The following APBB2 variants were observed in gnomAD, a reference collection of about 807,000 sequenced individuals.
APBB2 encodes the protein amyloid beta precursor protein binding family B member 2, also known as Fe65-like 1.
Under a neutral mutation model 82.5 loss-of-function variants are expected in APBB2, and 38 were observed. The observed-to-expected ratio is 0.46, with a 90% CI of 0.36 to 0.60. The LOEUF is 0.60. Among genes scored for constraint, APBB2 ranks in the 20% least tolerant of loss-of-function variants. The pLI is 0.00. For synonymous variants in APBB2, 341 were observed against 368.2 expected (o/e 0.93, Z 0.85); for missense variants, 772 against 972.3 (o/e 0.79, Z 2.74).
chr4:41,006,528 A>G (rs1806794434), intron 6 of APBB2, among the ~76,000 whole-genome samples: 1 of 150,302 alleles, frequency 6.7e-6, no homozygotes, highest in Non-Finnish European at 1.5e-5. Flanking sequence ...TAATGGTGTG[A>G]TCTCGGCTCA....
At chr4:40,908,839 G>C (rs1178588620) in intron 10 of APBB2, among the ~76,000 whole-genome samples, 1 of 152,192 alleles carries the variant, frequency 6.6e-6, no homozygotes, top group Non-Finnish European at 1.5e-5. Context: ...TAGTGTGGGT[G>C]CCCTTGTGCA....
chr4:40,843,305 A>T (rs939404752), intron 12 of APBB2, among the ~76,000 whole-genome samples: 1 of 152,218 alleles, frequency 6.6e-6, no homozygotes, highest in African/African-American at 2.4e-5. Context: ...GATGGAGCTA[A>T]AATCATGGCA....
At chr4:40,996,474 C>G (rs1317991297) in intron 6 of APBB2, among the ~76,000 whole-genome samples, 1 of 152,162 alleles carries the variant, frequency 6.6e-6, no homozygotes, top group African/African-American at 2.4e-5. Context: ...GTCCAGGTGA[C>G]AAAGTCTGAA....
chr4:41,120,114 T>C (rs1752357800), intron 2 of APBB2, among the ~76,000 whole-genome samples: 2 of 152,346 alleles, frequency 1.3e-5, no homozygotes, highest in African/African-American at 4.8e-5. Flanking sequence ...CTAGTGACTC[T>C]GTTCCTCAGG....
chr4:41,116,256 T>A (rs1055944517), intron 2 of APBB2, among the ~76,000 whole-genome samples: 2 of 151,324 alleles, frequency 1.3e-5, no homozygotes, highest in African/African-American at 4.9e-5. Flanking sequence ...TGGGTGGGAG[T>A]TGAACAATGG....
chr4:40,945,128 T>C (rs1788035029), intron 6 of APBB2, 55 bp from the exon 7 acceptor site: 2 of 1,351,074 alleles, frequency 1.5e-6, no homozygotes, highest in Non-Finnish European at 2.1e-6. Flanking sequence ...ATTAAAAGAA[T>C]GTCAGCACTA....
chr4:40,967,281 G>C (rs890857089), intron 6 of APBB2, among the ~76,000 whole-genome samples: 1 of 152,156 alleles, frequency 6.6e-6, no homozygotes, highest in Non-Finnish European at 1.5e-5. Flanking sequence ...CTGGACGTAG[G>C]ACAAGAACTC....
At chr4:41,009,379 CTT>C (rs1807685811) in intron 6 of APBB2, among the ~76,000 whole-genome samples, 2 of 152,072 alleles carry the variant, frequency 1.3e-5, no homozygotes, top group South Asian at 2.1e-4. Context: ...CAAATAGCCT[CTT>C]GTTTTCTTAA....
chr4:40,899,664 C>T (rs1164548282), intron 10 of APBB2, among the ~76,000 whole-genome samples: 1 of 152,244 alleles, frequency 6.6e-6, no homozygotes. Context: ...TTCGTTCTCT[C>T]TGGTTCCGCA....
At chr4:41,101,456 G>T in intron 2 of APBB2, among the ~76,000 whole-genome samples, 1 of 107,486 alleles carries the variant, frequency 9.3e-6, no homozygotes, top group African/African-American at 3.8e-5. Context: ...GGGCGACAGA[G>T]CGAGACTCCG....
In APBB2 at chr4:40,841,427, CCAAT is replaced by C. The variant is rs535408936; in HGVS notation, c.1530-10854_1530-10851del. ...TATGGAATCATGGAGCTTAAAGTCCCCAATCAATCAAACGGGCAGGCGGACATGC... is the reference window on the plus strand; with the variant it reads ...TATGGAATCATGGAGCTTAAAGTCCCCAATCAAACGGGCAGGCGGACATGC... On this transcript the variant is annotated intron_variant, in intron 12 of 17. Coordinates refer to ENST00000508593, the MANE Select transcript of APBB2 (RefSeq NM_004307.2). Among the ~76,000 whole-genome samples, 474 of 152,226 alleles carry C rather than the reference CCAAT, an allele frequency of 3.1e-3. 5 individuals are homozygous for C. Among genetic ancestry groups the C allele is most frequent in the African/African-American group, 0.011 (447 of 41,524 alleles).
intron 4 of APBB2, among the ~76,000 whole-genome samples, chr4:41,055,369 T>C (rs1560630034): frequency 6.6e-6 from 1 of 152,164 alleles, no homozygotes; most frequent in Non-Finnish European, 1.5e-5. Context: ...CAAATAGAAG[T>C]GCTATGGGAG....
intron 2 of APBB2, among the ~76,000 whole-genome samples, chr4:41,122,726 A>G (rs868757915): frequency 1.3e-5 from 2 of 152,244 alleles, no homozygotes; most frequent in Non-Finnish European, 2.9e-5. Flanking sequence ...GGCAGAGGAT[A>G]TATCTTGTAA....
chr4:41,203,792 A>G (rs1440594308), intron 1 of APBB2, among the ~76,000 whole-genome samples: 1 of 152,048 alleles, frequency 6.6e-6, no homozygotes, highest in Non-Finnish European at 1.5e-5. Flanking sequence ...AGCTCCATCA[A>G]TCCTCTCCTC....
chr4:40,890,332 G>A, intron 12 of APBB2, 32 bp downstream of exon 12: 2 of 1,601,968 alleles, frequency 1.2e-6, no homozygotes, highest in Non-Finnish European at 1.7e-6. Context: ...ACACGGGTGA[G>A]GTGACCCAGA....
chr4:40,885,836 G>A (rs186662898), intron 12 of APBB2, among the ~76,000 whole-genome samples: 1 of 152,294 alleles, frequency 6.6e-6, no homozygotes, highest in Non-Finnish European at 1.5e-5. Context: ...CCTGGGAAAC[G>A]CTTTCTTGCA....
At chr4:40,849,889 T>TA (rs11393918) in intron 12 of APBB2, among the ~76,000 whole-genome samples, 140,949 of 151,972 alleles carry the variant, frequency 0.93, 65,483 homozygotes, top group East Asian at 1. Flanking sequence ...CACACCCAGC[T>TA]ATTTTTGTAT....
At chr4:40,882,143 G>A (rs796105802) in intron 12 of APBB2, among the ~76,000 whole-genome samples, 2 of 152,164 alleles carry the variant, frequency 1.3e-5, no homozygotes, top group East Asian at 1.9e-4. Flanking sequence ...TCATTTGAAC[G>A]GAGAATAGCA....
chr4:40,883,020 G>A (rs1769110025), intron 12 of APBB2, among the ~76,000 whole-genome samples: 1 of 152,152 alleles, frequency 6.6e-6, no homozygotes, highest in African/African-American at 2.4e-5. Context: ...TTGGTCTGGT[G>A]AGGCCAGGAC....
Sources: gnomAD v4.1 joint callset for allele counts (sites outside exome capture counted in the v4.1 genomes callset) on GRCh38, gnomAD v4.1.1 for gene constraint, MANE v1.5 for transcripts, NCBI Gene and HGNC (gene_info 2026-07-23, HGNC 2026-07-21) for gene names.